Variants in ZNF385D observed in about 807,000 individuals in gnomAD.
ZNF385D encodes zinc finger protein 659.
In ZNF385D, 15 loss-of-function variants were observed where a neutral mutation model predicts 35.8. That is an observed-to-expected ratio of 0.42 (90% CI 0.28 to 0.64). The LOEUF is 0.64. Among genes scored for constraint, ZNF385D ranks in the 30% least tolerant of loss-of-function variants. The pLI is 0.23. For missense variants in ZNF385D, 474 were observed against 494.6 expected (o/e 0.96, Z 0.39); for synonymous variants, 212 against 186.8 (o/e 1.13, Z -1.10).
At chr3:21,627,251 G>GTGTGTT (rs1215330515) in intron 2 of ZNF385D, among the ~76,000 whole-genome samples, 3 of 70,670 alleles carry the variant, frequency 4.2e-5, no homozygotes, top group Non-Finnish European at 8.9e-5. Context: ...TGTAGGGTGT[G>GTGTGTT]TGTGTGTGTG....
intron 2 of ZNF385D, among the ~76,000 whole-genome samples, chr3:22,273,016 A>G (rs907369737): frequency 6.6e-6 from 1 of 151,894 alleles, no homozygotes; most frequent in African/African-American, 2.4e-5. Flanking sequence ...CTTTTATGCT[A>G]TAACTAGGAT....
intron 3 of ZNF385D, among the ~76,000 whole-genome samples, chr3:21,787,469 T>A (rs74519345): frequency 6.6e-6 from 1 of 151,968 alleles, no homozygotes; most frequent in Non-Finnish European, 1.5e-5. Context: ...CTACTCCTTA[T>A]CCAGATGCTA....
At chr3:22,176,748 G>C (rs1694856022) in intron 2 of ZNF385D, among the ~76,000 whole-genome samples, 1 of 152,068 alleles carries the variant, frequency 6.6e-6, no homozygotes, top group African/African-American at 2.4e-5. Context: ...GTTTCAAAAA[G>C]AAATTTTACC....
intron 3 of ZNF385D, among the ~76,000 whole-genome samples, chr3:21,990,520 A>T (rs1315041814): frequency 1.3e-5 from 2 of 152,174 alleles, no homozygotes; most frequent in Non-Finnish European, 2.9e-5. Context: ...TACTTTTATG[A>T]GTTAATATGT....
At chr3:21,441,579 G>A in intron 4 of ZNF385D, 2 of 516,414 alleles carry the variant, frequency 3.9e-6, no homozygotes, top group Non-Finnish European at 5.0e-6. Flanking sequence ...CGTGGCCCAA[G>A]CTAGAGTCAA....
intron 4 of ZNF385D, among the ~76,000 whole-genome samples, chr3:21,479,277 T>G: frequency 6.6e-6 from 1 of 152,120 alleles, no homozygotes; most frequent in East Asian, 1.9e-4. Flanking sequence ...AAATTTATCT[T>G]TACTTATGTA....
At chr3:22,142,473 T>C (rs1704568363) in intron 3 of ZNF385D, among the ~76,000 whole-genome samples, 1 of 152,194 alleles carries the variant, frequency 6.6e-6, no homozygotes, top group South Asian at 2.1e-4. Flanking sequence ...TCTGCTGAAG[T>C]TATGAACAAA....
intron 3 of ZNF385D, among the ~76,000 whole-genome samples, chr3:21,929,105 C>G (rs1239641330): frequency 1.3e-5 from 2 of 152,042 alleles, no homozygotes; most frequent in African/African-American, 2.4e-5. Context: ...AATCCAACAA[C>G]ATATAAATAG....
At chr3:22,357,363 GATAAATT>G (rs1176359114) in intron 2 of ZNF385D, among the ~76,000 whole-genome samples, 1 of 151,868 alleles carries the variant, frequency 6.6e-6, no homozygotes, top group East Asian at 1.9e-4. Context: ...ATGCAAGACA[GATAAATT>G]AATGTCACTT....
At chr3:21,577,544 C>T (rs2063529007) in intron 2 of ZNF385D, among the ~76,000 whole-genome samples, 1 of 152,148 alleles carries the variant, frequency 6.6e-6, no homozygotes, top group Admixed American at 6.6e-5. Flanking sequence ...ATTGCTGGAT[C>T]AGATAGTAGT....
At chr3:21,892,977 T>C (rs751761784) in intron 3 of ZNF385D, among the ~76,000 whole-genome samples, 34 of 152,286 alleles carry the variant, frequency 2.2e-4, no homozygotes, top group East Asian at 3.9e-4. Flanking sequence ...TTTGGTCCTA[T>C]GTAAAGTGTG....
chr3:21,724,477 CAAAAAAAAAA>C (rs200803155), intron 1 of ZNF385D, among the ~76,000 whole-genome samples: 47 of 51,992 alleles, frequency 9.0e-4, no homozygotes, highest in African/African-American at 7.3e-3. Context: ...AATGGAAAGC[CAAAAAAAAAA>C]AAAAAAAAAA....
intron 3 of ZNF385D, among the ~76,000 whole-genome samples, chr3:22,140,298 C>T (rs1232241414): frequency 6.6e-6 from 1 of 152,164 alleles, no homozygotes; most frequent in Non-Finnish European, 1.5e-5. Context: ...ATTCATAATG[C>T]TGCCTAAAAG....
chr3:21,943,274 A>ATG lies in ZNF385D; in HGVS notation c.325+225541_325+225542dup, dbSNP rs147366894. ...ATATATTCACTGACTCTATATTTGA[A>ATG]TGTGTGTGTGTGTGTGTATAGATGT... On this transcript the variant is annotated intron_variant, in intron 3 of 5. Transcript: ENST00000494108. 4.8e-4 allele frequency among the ~76,000 whole-genome samples: 72 copies of ATG among 149,902 alleles called. No homozygotes were observed. In the South Asian group the frequency reaches 5.5e-3, roughly 11 times the overall value.
intron 2 of ZNF385D, among the ~76,000 whole-genome samples, chr3:22,197,273 T>C (rs559448899): frequency 1.3e-5 from 2 of 152,176 alleles, no homozygotes; most frequent in South Asian, 4.1e-4. Flanking sequence ...ATTACTTTTA[T>C]TCTAGGCTCC....
intron 2 of ZNF385D, among the ~76,000 whole-genome samples, chr3:22,187,227 C>T (rs987500080): frequency 6.6e-6 from 1 of 152,192 alleles, no homozygotes; most frequent in Non-Finnish European, 1.5e-5. Context: ...TAACTGGCAT[C>T]TTGTACTGTG....
At chr3:21,967,771 C>T (rs1256810182) in intron 3 of ZNF385D, among the ~76,000 whole-genome samples, 4 of 152,192 alleles carry the variant, frequency 2.6e-5, no homozygotes, top group Admixed American at 6.5e-5. Context: ...ATTCCAATGG[C>T]AAATGAGGTT....
intron 2 of ZNF385D, among the ~76,000 whole-genome samples, chr3:21,596,835 A>G (rs753993999): frequency 1.3e-5 from 2 of 152,066 alleles, no homozygotes; most frequent in Non-Finnish European, 2.9e-5. Context: ...TGCCATACCT[A>G]TGTTTTCTCT....
chr3:21,574,209 A>C (rs6785919), intron 2 of ZNF385D, among the ~76,000 whole-genome samples: 136,103 of 152,048 alleles, frequency 0.9, 61,122 homozygotes, highest in African/African-American at 0.97. Flanking sequence ...GGAAGTCTTG[A>C]CAAAAATATA....
Sources: allele counts gnomAD v4.1 joint callset (sites outside exome capture counted in the v4.1 genomes callset), GRCh38; gene constraint gnomAD v4.1.1; transcripts MANE v1.5; gene names NCBI Gene and HGNC (gene_info 2026-07-23, HGNC 2026-07-21).